NFKBID: variants seen among roughly 807,000 people sequenced by gnomAD.
The protein encoded by NFKBID is NFKB inhibitor delta, also known as NF-kappa-B inhibitor delta.
A neutral mutation model predicts 53.4 loss-of-function variants in NFKBID; 26 were observed. The ratio of observed to expected loss-of-function variants is 0.49; its 90% CI spans 0.36 to 0.68. The LOEUF (loss-of-function observed/expected upper bound fraction) is 0.68, where lower values mean the gene tolerates loss of function less well. Among genes scored for constraint, NFKBID ranks in the 30% least tolerant of loss-of-function variants. The pLI is 0.00. For synonymous variants in NFKBID, 262 were observed against 259.8 expected (o/e 1.01, Z -0.08); for missense variants, 493 against 614.1 (o/e 0.80, Z 2.08).
chr19:35,894,781 G>A (rs1427195878), intron 9 of NFKBID, among the ~76,000 whole-genome samples: 1 of 152,058 alleles, frequency 6.6e-6, no homozygotes, highest in Admixed American at 6.6e-5. Context: ...ATCACCTGAG[G>A]TCGGGAGTTC....
exon 11 of NFKBID, chr19:35,889,897 G>T: frequency 6.2e-7 from 1 of 1,607,572 alleles, no homozygotes; most frequent in Non-Finnish European, 8.5e-7. Context: ...TACCCCCTCA[G>T]GGCCCGGCCC....
intron 3 of NFKBID, 34 bp from the exon 4 acceptor site, chr19:35,897,890 G>A: frequency 6.9e-7 from 1 of 1,444,066 alleles, no homozygotes; most frequent in East Asian, 2.5e-5. Flanking sequence ...GGCAGGTCTG[G>A]TTACCAGAGT....
chr19:35,896,582 C>T lies in NFKBID; in HGVS notation c.685-44G>A, dbSNP rs553858852. The T allele has an allele frequency of 3.1e-6, 5 of 1,606,632 alleles. No individual in the cohort carries two copies. The South Asian group carries it at 3.3e-5, about 11-fold the overall frequency. ...GTCAGGTTGGGCTCCTGGTTCCCTC[C>T]CGTCAGAAAACCAGGCTCCCAGCCC... On this transcript the variant is annotated intron_variant, in intron 6 of 11. Coordinates refer to ENST00000641389, the Ensembl canonical transcript of NFKBID. This position sits in a 1 kb window ranked among gnomAD's most constrained non-coding sequence, Gnocchi z 5.7.
At chr19:35,900,003 G>T (rs1975459889) in intron 1 of NFKBID, among the ~76,000 whole-genome samples, 1 of 128,922 alleles carries the variant, frequency 7.8e-6, no homozygotes, top group African/African-American at 2.9e-5. Context: ...CAGGGTCACC[G>T]CCAGCGTAGA....
upstream of NFKBID, chr19:35,901,878 T>C (rs972235867): frequency 7.5e-6 from 3 of 398,914 alleles, no homozygotes; most frequent in African/African-American, 6.2e-5. Context: ...GCTTTCAAGA[T>C]GCCATGCTCT....
chr19:35,902,127 T>C (rs1975581489), upstream of NFKBID: 3 of 702,222 alleles, frequency 4.3e-6, no homozygotes, highest in East Asian at 2.7e-5. Context: ...CACAGGGAGA[T>C]TGTCAGGCAT....
At chr19:35,890,574 T>C (rs752295877) in intron 9 of NFKBID, 84 bp from the exon 10 acceptor site, 2 of 942,504 alleles carry the variant, frequency 2.1e-6, no homozygotes, top group Non-Finnish European at 3.5e-6. Context: ...TTAAAGACCC[T>C]GACCCTTGGC....
chr19:35,902,256 C>T (rs771211335), upstream of NFKBID: 19 of 704,120 alleles, frequency 2.7e-5, no homozygotes, highest in Middle Eastern at 1.1e-3. Context: ...GCTTGGCTGT[C>T]TAGGATCCCT....
chr19:35,898,364 A>AG, intron 3 of NFKBID, 108 bp downstream of exon 3: 2 of 707,610 alleles, frequency 2.8e-6, no homozygotes, highest in South Asian at 1.7e-5. Flanking sequence ...AAAAAAAAAA[A>AG]GGGAAGAATG....
chr19:35,891,578 C>A (rs993875586), intron 9 of NFKBID, among the ~76,000 whole-genome samples: 1 of 151,758 alleles, frequency 6.6e-6, no homozygotes, highest in Non-Finnish European at 1.5e-5. Flanking sequence ...TTAAAAAGTT[C>A]TTTTTTTTCG....
upstream of NFKBID, chr19:35,901,872 T>TCAAGATGC (rs1278399327): frequency 7.7e-6 from 3 of 387,816 alleles, no homozygotes; most frequent in Non-Finnish European, 1.4e-5. Flanking sequence ...TCCCCTGCTT[T>TCAAGATGC]CAAGATGCCA....
At chr19:35,897,562 C>A (rs1439680777) in intron 4 of NFKBID, 89 bp downstream of exon 4, 12 of 743,526 alleles carry the variant, frequency 1.6e-5, no homozygotes, top group Non-Finnish European at 2.4e-5. Flanking sequence ...GGAATCGTAA[C>A]TGAGCTCCAG....
intron 9 of NFKBID, among the ~76,000 whole-genome samples, chr19:35,892,215 C>A (rs1301562756): frequency 1.3e-5 from 2 of 151,128 alleles, no homozygotes; most frequent in African/African-American, 4.9e-5. Flanking sequence ...TCAAGCCCAG[C>A]TAATTTTTGT....
At chr19:35,891,589 A>G (rs575005269) in intron 9 of NFKBID, among the ~76,000 whole-genome samples, 1 of 152,110 alleles carries the variant, frequency 6.6e-6, no homozygotes, top group South Asian at 2.1e-4. Context: ...TTTTTTTTCG[A>G]AGGGCACAGG....
In NFKBID at chr19:35,897,880, G is replaced by A. The variant is rs1026128575; in HGVS notation, c.227-24C>T. On this transcript the variant is annotated intron_variant, in intron 3 of 11. Transcript: ENST00000641389. ...GCCTGCGTGTAAGAGGAGGGGCAGG[G>A]GCAGGTCTGGTTACCAGAGTTGGGG... The A allele has an allele frequency of 6.0e-6, 9 of 1,499,216 alleles. No individual in the cohort carries two copies. In the African/African-American group the frequency reaches 1.2e-4, roughly 21 times the overall value. 92.9% of individuals were successfully genotyped at this position (1,499,216 alleles called of 1,614,324 possible).
At chr19:35,898,953 C>T in intron 1 of NFKBID, 131 bp from the exon 2 acceptor site, 1 of 631,934 alleles carries the variant, frequency 1.6e-6, no homozygotes, top group Admixed American at 2.7e-5. Context: ...CACATAGATG[C>T]CGCCTGACTC....
intron 9 of NFKBID, chr19:35,890,693 A>G (rs1184519082): frequency 4.8e-6 from 3 of 625,750 alleles, no homozygotes; most frequent in Non-Finnish European, 8.9e-6. Flanking sequence ...GCAAGACCTC[A>G]TCTCTACAAA....
chr19:35,897,190 C>T lies in NFKBID; in HGVS notation c.433-132G>A, dbSNP rs140082335. 3.0e-3 allele frequency: 2,773 copies of T among 925,574 alleles called. 52 individuals carry two copies. In the African/African-American group the frequency reaches 0.041, roughly 14 times the overall value. The allele number at this position is 925,574 out of a possible 1,614,324, so 57.3% of individuals were successfully genotyped here. On this transcript the variant is annotated intron_variant, in intron 4 of 11. Transcript: ENST00000641389. ...ACACACACATCTGCATGCAGAGCCC[C>T]TGGGTATCCCATCTATGCCAAGTGA...
upstream of NFKBID, among the ~76,000 whole-genome samples, chr19:35,900,844 T>TG (rs1975536339): frequency 1.4e-5 from 2 of 146,974 alleles, no homozygotes; most frequent in East Asian, 2.0e-4. Context: ...TTTTTTTTTT[T>TG]TTTTTGTTGT....
Sources: allele counts gnomAD v4.1 joint callset (sites outside exome capture counted in the v4.1 genomes callset), GRCh38; gene constraint gnomAD v4.1.1; non-coding constraint Gnocchi (gnomAD v3.1); transcripts MANE v1.5; gene names NCBI Gene and HGNC (gene_info 2026-07-23, HGNC 2026-07-21).